Variants in KRT20 observed in about 807,000 individuals in gnomAD.
KRT20 encodes the protein keratin 20.
KRT20 carries 41 observed loss-of-function variants against 43.0 expected under a neutral mutation model. That is an observed-to-expected ratio of 0.95 (90% CI 0.74 to 1.24). The LOEUF is 1.24. Among genes scored for constraint, KRT20 ranks in the 50% most tolerant of loss-of-function variants. The pLI is 0.00. For synonymous variants in KRT20, 207 were observed against 200.6 expected (o/e 1.03, Z -0.27); for missense variants, 533 against 521.2 (o/e 1.02, Z -0.22).
At chr17:40,880,521 TC>T in intron 3 of KRT20, 92 bp downstream of exon 3, 4 of 1,101,844 alleles carry the variant, frequency 3.6e-6, no homozygotes, top group Middle Eastern at 3.0e-4. Flanking sequence ...CACCAACTCT[TC>T]CCCCTTCTCC....
rs763943822 is a variant in KRT20 at position 40,878,240 on chromosome 17, G to A, written c.1044C>T (p.Arg348=). ...QLMQIRSNME[R]QNNEYHILLD... ...GAAGGATATGGTATTCGTTGTTCTG[G>A]CGTTCCATGTTACTCCGAATCTGCA... The change falls in exon 6 of 8, where the codon CGC becomes CGT. Residue 348 remains arginine (R), a synonymous_variant. Coordinates refer to ENST00000167588, the MANE Select transcript of KRT20 (RefSeq NM_019010.3). 5 of 1,614,032 alleles carry A rather than the reference G, an allele frequency of 3.1e-6. No individual in the cohort carries two copies. In the South Asian group the frequency reaches 5.5e-5, roughly 18 times the overall value.
intron 3 of KRT20, 151 bp from the exon 4 acceptor site, chr17:40,880,412 C>T (rs966367564): frequency 1.2e-6 from 1 of 854,352 alleles, no homozygotes; most frequent in Non-Finnish European, 1.8e-6. Flanking sequence ...TTATTGTGGT[C>T]CAGGTGCTGC....
At position 40,884,920 on chromosome 17, in the gene KRT20, C is replaced by T. The variant is rs1422950259; in HGVS notation, c.266G>A (p.Arg89Gln). 4 of 1,614,094 alleles carry T rather than the reference C, an allele frequency of 2.5e-6. No individual in the cohort carries two copies. The highest frequency in any genetic ancestry group is 1.6e-4 in the Middle Eastern group (1 of 6,084). The change falls in exon 1 of 8, where the codon CGG becomes CAG. Residue 89 changes from arginine (R) to glutamine (Q), a missense_variant. Transcript: ENST00000167588. Reference sequence around the variant, plus strand: ...TTTGGAGTTGGACTGCTCCAGGGTCCGCACCTTTTCTAGGTAGCTCGCTAG... The same window carrying T: ...TTTGGAGTTGGACTGCTCCAGGGTCTGCACCTTTTCTAGGTAGCTCGCTAG... Reference protein sequence around the residue: ...DRLASYLEKVRTLEQSNSKLE... With the variant: ...DRLASYLEKVQTLEQSNSKLE...
intron 3 of KRT20, 73 bp downstream of exon 3, chr17:40,880,541 C>T: frequency 7.5e-7 from 1 of 1,339,666 alleles, no homozygotes; most frequent in Non-Finnish European, 1.0e-6. Flanking sequence ...CCTGTTTCTC[C>T]CGCTCCTCCT....
intron 1 of KRT20, among the ~76,000 whole-genome samples, chr17:40,882,859 G>A (rs1482049782): frequency 3.3e-5 from 5 of 151,936 alleles, no homozygotes; most frequent in Non-Finnish European, 5.9e-5. Context: ...ACAGGCATCC[G>A]CCACCATGCC....
rs1907647272 is a variant in KRT20 at position 40,882,637 on chromosome 17, C to T, written c.408G>A (p.Leu136=). The T allele has an allele frequency of 1.3e-6, 2 of 1,545,888 alleles. No individual in the cohort carries two copies. Among genetic ancestry groups the T allele is most frequent in the African/African-American group, 1.4e-5 (1 of 73,158 alleles). The change falls in exon 2 of 8, where the codon CTG becomes CTA. Residue 136 remains leucine (L), a synonymous_variant. Coordinates refer to ENST00000167588, the MANE Select transcript of KRT20 (RefSeq NM_019010.3). ...TTTGCAGGACACACCGAGCATTTTG[C>T]AGTTGAGCATCCTTAATCTGGAAAA... is the stretch of plus-strand genomic sequence containing the variant. ...ELRSQIKDAQ[L]QNARCVLQID...
chr17:40,878,843 C>G (rs1165041761), intron 5 of KRT20, among the ~76,000 whole-genome samples: 2 of 151,750 alleles, frequency 1.3e-5, no homozygotes, highest in Non-Finnish European at 2.9e-5. Context: ...GCTCTGTCGC[C>G]CAGGCTGGAG....
chr17:40,880,545 T>TC (rs1907549377), intron 3 of KRT20, 69 bp downstream of exon 3: 1 of 1,369,570 alleles, frequency 7.3e-7, no homozygotes, highest in South Asian at 1.2e-5. Flanking sequence ...TTTCTCCCGC[T>TC]CCTCCTATTA....
chr17:40,880,206 G>A lies in KRT20; in HGVS notation c.686C>T (p.Ala229Val), dbSNP rs1162297804. 6.8e-6 allele frequency: 11 copies of A among 1,614,010 alleles called. No homozygotes were observed. Among genetic ancestry groups the A allele is most frequent in the Non-Finnish European group, 9.3e-6 (11 of 1,179,950 alleles). The change falls in exon 4 of 8, where the codon GCT becomes GTT. Residue 229 changes from alanine to valine, a missense_variant. By Grantham distance (64) the Ala-to-Val change is moderately conservative (BLOSUM62 0). Transcript: ENST00000167588. ...LGNTVNVEVD[A>V]APGLNLGVIM... ...GACGCCAAGGTTCAGGCCTGGAGCA[G>A]CATCAACCTCCACATTGACAGTGTT...
In KRT20 at chr17:40,876,396, A is replaced by T. The variant is rs1276268594; in HGVS notation, c.1240T>A (p.Ser414Thr). Residue 414 changes from serine (S) to threonine (T), a missense_variant, in exon 8 of 8, where the codon TCA becomes ACA. By Grantham distance (58) the Ser-to-Thr change is moderately conservative. Transcript: ENST00000167588. Reference sequence around the variant, plus strand: ...TCTTCCACCTCTTTGACTTCAGATGACACGACCTTGCCATCCACTACTTCT... The same window carrying T: ...TCTTCCACCTCTTTGACTTCAGATGTCACGACCTTGCCATCCACTACTTCT... ...VQEVVDGKVV[S>T]SEVKEVEENI 2 of 1,613,370 alleles carry T rather than the reference A, an allele frequency of 1.2e-6. No individual in the cohort carries two copies. The highest frequency in any genetic ancestry group is 1.7e-6 in the Non-Finnish European group (2 of 1,179,352).
intron 2 of KRT20, among the ~76,000 whole-genome samples, chr17:40,881,545 G>A (rs1390737950): frequency 6.6e-6 from 1 of 152,164 alleles, no homozygotes; most frequent in Non-Finnish European, 1.5e-5. Flanking sequence ...TAGCCATCAT[G>A]CATGCCCTGC....
chr17:40,880,022 A>G, intron 4 of KRT20, 78 bp downstream of exon 4: 1 of 1,595,152 alleles, frequency 6.3e-7, no homozygotes, highest in Middle Eastern at 1.7e-4. Context: ...GAATGAACAA[A>G]TGAAAAAGAA....
At chr17:40,883,761 G>A (rs891418273) in intron 1 of KRT20, among the ~76,000 whole-genome samples, 2 of 152,232 alleles carry the variant, frequency 1.3e-5, no homozygotes, top group Admixed American at 6.5e-5. Context: ...TCAGAAACAC[G>A]AGACAGGTGT....
At chr17:40,878,079 A>T in intron 6 of KRT20, 66 bp downstream of exon 6, 1 of 1,304,580 alleles carries the variant, frequency 7.7e-7, no homozygotes, top group Non-Finnish European at 1.1e-6. Context: ...GTAATGAGTG[A>T]CAGGGACATT....
chr17:40,884,676 G>C lies in KRT20; in HGVS notation c.390+120C>G, dbSNP rs1268153901. 3.6e-6 allele frequency: 4 copies of C among 1,115,164 alleles called. No homozygotes were observed. In the African/African-American group the frequency reaches 6.3e-5, roughly 17 times the overall value. The allele number at this position is 1,115,164 out of a possible 1,614,324, so 69.1% of individuals were successfully genotyped here. ...AAAGGTAGATGAAAGAATTTTTATA[G>C]ATGTAACATTTTAGCCTAATTTGCT... is the stretch of plus-strand genomic sequence containing the variant. On this transcript the variant is annotated intron_variant, in intron 1 of 7. Transcript: ENST00000167588.
Position 40,880,222 on chromosome 17 carries a change from T to C in KRT20, c.670A>G (p.Asn224Asp). 1 of 1,613,564 alleles carries C rather than the reference T, an allele frequency of 6.2e-7. No individual in the cohort carries two copies. Among genetic ancestry groups the C allele is most frequent in the Non-Finnish European group, 8.5e-7 (1 of 1,179,778 alleles). The part of the protein sequence containing the change: ...GLHKHLGNTV[N>D]VEVDAAPGLN... ...CCTGGAGCAGCATCAACCTCCACAT[T>C]GACAGTGTTGCCCAGATGCTTGTGT... Residue 224 changes from asparagine to aspartate, a missense_variant, in exon 4 of 8, where the codon AAT becomes GAT. Transcript: ENST00000167588.
At position 40,880,323 on chromosome 17, in the gene KRT20, A is replaced by T. The variant is rs3744388; in HGVS notation, c.631-62T>A. 406 of 1,467,272 alleles carry T rather than the reference A, an allele frequency of 2.8e-4. 3 individuals are homozygous for T. The East Asian group carries it at 8.5e-3, about 31-fold the overall frequency. The allele number at this position is 1,467,272 out of a possible 1,614,324, so 90.9% of individuals were successfully genotyped here. On this transcript the variant is annotated intron_variant, in intron 3 of 7. Transcript: ENST00000167588. Reference sequence around the variant, plus strand: ...AGCACATTCTCAGATAAGGCTGGGCAGAAAAGACATAAGGAGTCTCATGAC... The same window carrying T: ...AGCACATTCTCAGATAAGGCTGGGCTGAAAAGACATAAGGAGTCTCATGAC...
Position 40,882,616 on chromosome 17 carries a change from C to T in KRT20, c.429G>A (p.Leu143=). ...CAGCCAGTTTAGCATTATCAATTTGCAGGACACACCGAGCATTTTGCAGTT... is the reference window on the plus strand; with the variant it reads ...CAGCCAGTTTAGCATTATCAATTTGTAGGACACACCGAGCATTTTGCAGTT... ...DAQLQNARCV[L]QIDNAKLAAE... is the part of the protein sequence containing the mutation. The change falls in exon 2 of 8, where the codon CTG becomes CTA. Residue 143 remains leucine, a synonymous_variant. Coordinates refer to ENST00000167588, the MANE Select transcript of KRT20 (RefSeq NM_019010.3). 1 of 1,564,142 alleles carries T rather than the reference C, an allele frequency of 6.4e-7. No homozygotes were observed. Among genetic ancestry groups the T allele is most frequent in the Non-Finnish European group, 8.7e-7 (1 of 1,152,636 alleles).
rs1376934681 is a variant in KRT20, at chr17:40,876,138, G to C, written c.*223C>G. 1.4e-5 allele frequency: 6 copies of C among 434,132 alleles called. No homozygotes were observed. Among genetic ancestry groups the C allele is most frequent in the Non-Finnish European group, 2.5e-5 (6 of 243,124 alleles). 26.9% of individuals were successfully genotyped at this position (434,132 alleles called of 1,614,324 possible). On this transcript the variant is annotated 3_prime_UTR_variant, in exon 8 of 8. Coordinates refer to ENST00000167588, the MANE Select transcript of KRT20 (RefSeq NM_019010.3). ...GTAATGATGTTTTAAATATTCTAGTGCTCACTGGATTTCATTTTTGCAGGC... is the reference window on the plus strand; with the variant it reads ...GTAATGATGTTTTAAATATTCTAGTCCTCACTGGATTTCATTTTTGCAGGC...
Sources: allele counts gnomAD v4.1 joint callset (sites outside exome capture counted in the v4.1 genomes callset), GRCh38; gene constraint gnomAD v4.1.1; transcripts MANE v1.5; gene names NCBI Gene and HGNC (gene_info 2026-07-23, HGNC 2026-07-21).